LY86: variants seen among roughly 807,000 people sequenced by gnomAD.
LY86 encodes the protein lymphocyte antigen 86.
Under a neutral mutation model 17.3 loss-of-function variants are expected in LY86, and 20 were observed. The ratio of observed to expected loss-of-function variants is 1.15; its 90% confidence interval spans 0.81 to 1.68. LY86 has a LOEUF of 1.68. LY86 is among the 40% of genes most tolerant of loss of function. The pLI is 0.00. For synonymous variants in LY86, 74 were observed against 70.6 expected, an observed-to-expected ratio of 1.05 and a Z score of -0.24; for missense variants, 200 against 191.9, an observed-to-expected ratio of 1.04 and a Z score of -0.25.
intron 3 of LY86, among the ~76,000 whole-genome samples, chr6:6,632,730 C>T (rs1761912902): frequency 6.6e-6 from 1 of 152,208 alleles, no homozygotes. Context: ...GATCTAAGGT[C>T]AGCCTCTAAA....
At chr6:6,644,812 G>A (rs896693739) in intron 3 of LY86, among the ~76,000 whole-genome samples, 1 of 152,158 alleles carries the variant, frequency 6.6e-6, no homozygotes, top group Non-Finnish European at 1.5e-5. Context: ...GTCCTGGAGT[G>A]TGAGAATGTT....
At chr6:6,644,184 C>T (rs1197449703) in intron 3 of LY86, among the ~76,000 whole-genome samples, 7 of 152,224 alleles carry the variant, frequency 4.6e-5, no homozygotes, top group Admixed American at 1.3e-4. Context: ...ATGCAGTCAG[C>T]AGGCTGCATC....
chr6:6,614,132 C>T (rs181147136), intron 1 of LY86, among the ~76,000 whole-genome samples: 3 of 152,284 alleles, frequency 2.0e-5, no homozygotes, highest in African/African-American at 4.8e-5. Flanking sequence ...GATGAGTTGA[C>T]TTTCCATCTC....
At chr6:6,606,464 C>CT (rs1167217017) in intron 1 of LY86, among the ~76,000 whole-genome samples, 9 of 152,226 alleles carry the variant, frequency 5.9e-5, no homozygotes, top group Non-Finnish European at 1.2e-4. Context: ...TCCCACACCG[C>CT]GCACCCGCAC....
intron 1 of LY86, among the ~76,000 whole-genome samples, chr6:6,600,915 C>T (rs1226295947): frequency 6.6e-6 from 1 of 152,226 alleles, no homozygotes; most frequent in Non-Finnish European, 1.5e-5. Context: ...ACAGGAACGT[C>T]ATTCTTCCAG....
At chr6:6,634,113 A>G (rs1244196852) in intron 3 of LY86, among the ~76,000 whole-genome samples, 1 of 152,238 alleles carries the variant, frequency 6.6e-6, no homozygotes, top group Non-Finnish European at 1.5e-5. Flanking sequence ...TGGCGCATCC[A>G]TGCCTGCACA....
intron 1 of LY86, among the ~76,000 whole-genome samples, chr6:6,612,276 GTTTC>G (rs914028031): frequency 1.3e-5 from 2 of 152,334 alleles, no homozygotes; most frequent in African/African-American, 2.4e-5. Flanking sequence ...TGTGTTCTGA[GTTTC>G]TTTCTCGTGG....
rs1343668794 is a variant in LY86 at position 6,624,998 on chromosome 6, T to G, written c.209T>G (p.Phe70Cys). 6 of 1,508,670 alleles carry G rather than the reference T, an allele frequency of 4.0e-6. No homozygotes were observed. In the South Asian group the frequency reaches 7.1e-5, roughly 18 times the overall value. 93.5% of individuals were successfully genotyped at this position (1,508,670 alleles called of 1,614,324 possible). ...TTAAAATCAAATATCAACATTAGATTTGGAATTATTCTGAGTAAGTAAAAA... is the reference window on the plus strand; with the variant it reads ...TTAAAATCAAATATCAACATTAGATGTGGAATTATTCTGAGTAAGTAAAAA... ...KQLKSNINIR[F>C]GIILREDIKE... The change falls in exon 2 of 5, where the codon TTT (phenylalanine) becomes TGT (cysteine). Residue 70 changes from phenylalanine to cysteine, a missense_variant. By Grantham distance (205) the Phe-to-Cys change is radical (BLOSUM62 -2). Transcript: ENST00000230568.
intron 1 of LY86, among the ~76,000 whole-genome samples, chr6:6,590,535 T>TA (rs1482660489): frequency 6.6e-6 from 1 of 152,004 alleles, no homozygotes; most frequent in Non-Finnish European, 1.5e-5. Flanking sequence ...TACTGGGGGT[T>TA]GGGACTTCAA....
intron 1 of LY86, among the ~76,000 whole-genome samples, chr6:6,624,493 AT>A (rs1561787890): frequency 6.6e-6 from 1 of 152,068 alleles, no homozygotes; most frequent in African/African-American, 2.4e-5. Context: ...GAGCCTAAGT[AT>A]TAATGTCTAC....
intron 4 of LY86, 71 bp downstream of exon 4, chr6:6,649,748 G>GGA: frequency 1.8e-6 from 1 of 564,710 alleles, no homozygotes; most frequent in Non-Finnish European, 2.8e-6. Flanking sequence ...TAGAAGGAGG[G>GGA]AAAGGAGGAG....
chr6:6,652,883 A>G (rs1387971041), intron 4 of LY86, among the ~76,000 whole-genome samples: 2 of 152,208 alleles, frequency 1.3e-5, no homozygotes, highest in Admixed American at 1.3e-4. Context: ...TAATGTAGTA[A>G]TGAAAAATTC....
chr6:6,652,055 CAAAAAAA>C (rs61606490), intron 4 of LY86, among the ~76,000 whole-genome samples: 8 of 59,300 alleles, frequency 1.3e-4, no homozygotes, highest in East Asian at 1.1e-3. Flanking sequence ...GACTCCATCT[CAAAAAAA>C]AAAAAAAAAA....
chr6:6,653,864 C>T (rs571611420), intron 4 of LY86, among the ~76,000 whole-genome samples: 1 of 152,358 alleles, frequency 6.6e-6, no homozygotes, highest in South Asian at 2.1e-4. Context: ...CCTTCCCCCA[C>T]CTCCACCTCT....
At chr6:6,605,569 A>G (rs1270753882) in intron 1 of LY86, among the ~76,000 whole-genome samples, 5 of 152,270 alleles carry the variant, frequency 3.3e-5, no homozygotes, top group African/African-American at 4.8e-5. Context: ...ACGGAGTGGG[A>G]GAAAGCGCAT....
intron 1 of LY86, among the ~76,000 whole-genome samples, chr6:6,612,282 T>C (rs1042835578): frequency 6.6e-6 from 1 of 152,224 alleles, no homozygotes; most frequent in African/African-American, 2.4e-5. Context: ...CTGAGTTTCT[T>C]TCTCGTGGGT....
intron 1 of LY86, among the ~76,000 whole-genome samples, chr6:6,608,481 C>T (rs1761252791): frequency 6.6e-6 from 1 of 152,198 alleles, no homozygotes; most frequent in Non-Finnish European, 1.5e-5. Flanking sequence ...CAATTACAAA[C>T]TGTTGTGAAT....
At chr6:6,593,859 G>A (rs983176192) in intron 1 of LY86, among the ~76,000 whole-genome samples, 2 of 152,214 alleles carry the variant, frequency 1.3e-5, no homozygotes, top group Non-Finnish European at 2.9e-5. Flanking sequence ...CAGGAAGCCA[G>A]AATCAAGATA....
At chr6:6,607,391 T>G (rs1235552159) in intron 1 of LY86, among the ~76,000 whole-genome samples, 1 of 152,230 alleles carries the variant, frequency 6.6e-6, no homozygotes, top group African/African-American at 2.4e-5. Context: ...AAAGAGAAGT[T>G]TATTTTTAAG....
Sources: allele counts gnomAD v4.1 joint callset (sites outside exome capture counted in the v4.1 genomes callset), GRCh38; gene constraint gnomAD v4.1.1; transcripts MANE v1.5; gene names NCBI Gene and HGNC (gene_info 2026-07-23, HGNC 2026-07-21).